RORA: variants seen among roughly 807,000 people sequenced by gnomAD.
RORA encodes the protein RAR related orphan receptor A, also known as nuclear receptor ROR-alpha.
Under a neutral mutation model 69.5 loss-of-function variants are expected in RORA, and 7 were observed. The observed-to-expected ratio is 0.10, with a 90% CI of 0.06 to 0.19. The LOEUF (loss-of-function observed/expected upper bound fraction) is 0.19. RORA is among the 10% of genes least tolerant of loss of function. The pLI is 1.00. For synonymous variants in RORA, 261 were observed against 240.8 expected, an observed-to-expected ratio of 1.08 and a Z score of -0.78; for missense variants, 457 against 663.0, an observed-to-expected ratio of 0.69 and a Z score of 3.41.
At chr15:61,084,559 G>C (rs1358781636) in intron 1 of RORA, among the ~76,000 whole-genome samples, 1 of 152,164 alleles carries the variant, frequency 6.6e-6, no homozygotes, top group Non-Finnish European at 1.5e-5. Context: ...ATATCTCTAT[G>C]TATGTCTCTG....
chr15:60,958,140 A>G (rs1893321037), intron 1 of RORA, among the ~76,000 whole-genome samples: 1 of 152,222 alleles, frequency 6.6e-6, no homozygotes, highest in African/African-American at 2.4e-5. Flanking sequence ...TTGGTGGGCA[A>G]AAGTTCATAT....
At chr15:60,579,877 GTCAGC>G (rs2068141055) in intron 2 of RORA, among the ~76,000 whole-genome samples, 1 of 152,020 alleles carries the variant, frequency 6.6e-6, no homozygotes, top group Admixed American at 6.6e-5. Context: ...CACTACTTTT[GTCAGC>G]TCAGTATAGC....
chr15:60,929,486 C>T (rs1892312843), intron 1 of RORA, among the ~76,000 whole-genome samples: 2 of 152,304 alleles, frequency 1.3e-5, no homozygotes, highest in African/African-American at 2.4e-5. Flanking sequence ...CCTCCTGGTT[C>T]TGCAAAAGGC....
At chr15:60,799,650 T>A (rs964990300) in intron 1 of RORA, among the ~76,000 whole-genome samples, 7 of 152,140 alleles carry the variant, frequency 4.6e-5, no homozygotes, top group African/African-American at 1.7e-4. Context: ...ACCACCAAGA[T>A]ACTAAGTATA....
At chr15:60,598,624 A>G (rs1301237455) in intron 2 of RORA, 1 of 152,250 alleles carries the variant, frequency 6.6e-6, no homozygotes, top group Non-Finnish European at 1.5e-5. Context: ...AATATATGTT[A>G]ATTGATTGCC....
chr15:60,562,648 A>G (rs939343573), intron 2 of RORA, among the ~76,000 whole-genome samples: 7 of 148,144 alleles, frequency 4.7e-5, no homozygotes, highest in South Asian at 2.1e-4. Context: ...GGGTTTCACC[A>G]TGTTAGCCAG....
At chr15:60,783,263 G>A (rs1595711697) in intron 1 of RORA, among the ~76,000 whole-genome samples, 1 of 152,022 alleles carries the variant, frequency 6.6e-6, no homozygotes, top group Non-Finnish European at 1.5e-5. Flanking sequence ...AGAAATAAAG[G>A]CTTTTGTACA....
chr15:60,740,758 G>A (rs1284559601), intron 1 of RORA, among the ~76,000 whole-genome samples: 2 of 152,158 alleles, frequency 1.3e-5, no homozygotes, highest in African/African-American at 4.8e-5. Context: ...GACCAAATGA[G>A]GTATTTCTTT....
intron 1 of RORA, among the ~76,000 whole-genome samples, chr15:61,164,654 T>C (rs1345861882): frequency 6.6e-6 from 1 of 152,190 alleles, no homozygotes. Flanking sequence ...ACATCTTTTT[T>C]TTTCTCAACC....
At chr15:60,631,088 C>T (rs1420166390) in intron 2 of RORA, among the ~76,000 whole-genome samples, 2 of 152,012 alleles carry the variant, frequency 1.3e-5, no homozygotes, top group Admixed American at 1.3e-4. Context: ...CGGGGTTTTA[C>T]CATGTTGGCC....
chr15:60,776,362 G>C (rs1241728955), intron 1 of RORA, among the ~76,000 whole-genome samples: 1 of 152,192 alleles, frequency 6.6e-6, no homozygotes, highest in Non-Finnish European at 1.5e-5. Context: ...AGGTCTTCAG[G>C]AGAGGAGGGA....
intron 1 of RORA, among the ~76,000 whole-genome samples, chr15:61,048,577 C>A (rs997616444): frequency 1.3e-5 from 2 of 152,180 alleles, no homozygotes; most frequent in South Asian, 4.1e-4. Flanking sequence ...AGCGTCATGG[C>A]GGAGAAGCCA....
intron 3 of RORA, among the ~76,000 whole-genome samples, chr15:60,524,700 A>G (rs2066289449): frequency 6.6e-6 from 1 of 152,256 alleles, no homozygotes; most frequent in African/African-American, 2.4e-5. Flanking sequence ...TACTTAGAGA[A>G]GTCAATAAAT....
At chr15:60,614,982 A>G in intron 2 of RORA, 1 of 1,614,036 alleles carries the variant, frequency 6.2e-7, no homozygotes, top group Non-Finnish European at 8.5e-7. Context: ...TTATGTGCTC[A>G]AGTTGAGACC....
At chr15:60,615,159 G>C in intron 2 of RORA, 1 of 1,147,042 alleles carries the variant, frequency 8.7e-7, no homozygotes, top group Non-Finnish European at 1.2e-6. Flanking sequence ...CCTCATCTTA[G>C]TGCTAGTGCA....
chr15:60,891,645 T>A (rs2073813981), intron 1 of RORA, among the ~76,000 whole-genome samples: 1 of 152,208 alleles, frequency 6.6e-6, no homozygotes, highest in Non-Finnish European at 1.5e-5. Flanking sequence ...CTCCAAAGCC[T>A]GTCCTCCAGT....
chr15:60,826,218 T>C (rs1312977163), intron 1 of RORA, among the ~76,000 whole-genome samples: 1 of 152,154 alleles, frequency 6.6e-6, no homozygotes, highest in African/African-American at 2.4e-5. Context: ...TTGGCACTTT[T>C]TACATTTTCT....
intron 1 of RORA, among the ~76,000 whole-genome samples, chr15:61,152,340 T>C (rs189380491): frequency 6.4e-4 from 98 of 152,146 alleles, no homozygotes; most frequent in Middle Eastern, 6.8e-3. Context: ...CCGAGGAATA[T>C]GAAAAAACAT....
In RORA at chr15:60,635,698, C is replaced by T. The variant is rs562278240; in HGVS notation, c.196+42959G>A. Among the ~76,000 whole-genome samples the T allele has an allele frequency of 1.6e-4, 25 of 152,186 alleles. No individual in the cohort carries two copies. The South Asian group carries it at 5.0e-3, about 30-fold the overall frequency. ...CATCCAAGGGTGCTATGTGGCATTCCGGAAATGAATCAGAGACTTGGGCCC... is the reference window on the plus strand; with the variant it reads ...CATCCAAGGGTGCTATGTGGCATTCTGGAAATGAATCAGAGACTTGGGCCC... On this transcript the variant is annotated intron_variant, in intron 2 of 10. Transcript: ENST00000335670.
Sources: allele counts gnomAD v4.1 joint callset (sites outside exome capture counted in the v4.1 genomes callset), GRCh38; gene constraint gnomAD v4.1.1; transcripts MANE v1.5; gene names NCBI Gene and HGNC (gene_info 2026-07-23, HGNC 2026-07-21).